The following AGAP1 variants were observed in gnomAD, a reference collection of about 807,000 sequenced individuals.
AGAP1 encodes the protein arf-GAP with GTPase, ANK repeat and PH domain-containing protein 1.
A neutral mutation model predicts 105.3 loss-of-function variants in AGAP1; 29 were observed. The observed-to-expected ratio is 0.28, with a 90% CI of 0.21 to 0.38. The LOEUF (loss-of-function observed/expected upper bound fraction) is 0.38. Ranked by LOEUF, AGAP1 falls within the 10% of genes least tolerant of loss-of-function variation. The pLI is 1.00. For missense variants in AGAP1, 998 were observed against 1,165.1 expected, an observed-to-expected ratio of 0.86 and a Z score of 2.09; for synonymous variants, 509 against 485.9, an observed-to-expected ratio of 1.05 and a Z score of -0.63.
intron 9 of AGAP1, among the ~76,000 whole-genome samples, chr2:235,881,739 T>C (rs1230221508): frequency 6.6e-6 from 1 of 152,252 alleles, no homozygotes; most frequent in Non-Finnish European, 1.5e-5. Flanking sequence ...CAAGGTTTGC[T>C]GGGAATTGGT....
In AGAP1 at chr2:236,055,968, A is replaced by G. The variant is rs1213434144; in HGVS notation, c.2114+6687A>G. ...GCTATAAATATTAAGCCAATTAGGA[A>G]AATGTACAAATGAGAAGTACGTTAA... On this transcript the variant is annotated intron_variant, in intron 16 of 17. Transcript: ENST00000304032. This position sits in a 1 kb window ranked among gnomAD's most constrained non-coding sequence, Gnocchi z 6.2. Among the ~76,000 whole-genome samples the G allele has an allele frequency of 6.6e-6, 1 of 152,188 alleles. No individual in the cohort carries two copies. Among genetic ancestry groups the G allele is most frequent in the African/African-American group, 2.4e-5 (1 of 41,452 alleles).
In AGAP1 at chr2:235,872,998, C is replaced by T. The variant is rs139545470; in HGVS notation, c.1051-10347C>T. Among the ~76,000 whole-genome samples, 824 of 152,280 alleles carry T rather than the reference C, an allele frequency of 5.4e-3. 4 individuals carry two copies. Among genetic ancestry groups the T allele is most frequent in the Non-Finnish European group, 8.7e-3 (591 of 68,022 alleles). The stretch of plus-strand genomic sequence containing the variant: ...TGCAGCTCTGGAATTAGGAACCAGC[C>T]GTGCCCCAGGAGGGCAGAGGACCCT... On this transcript the variant is annotated intron_variant, in intron 9 of 17. Transcript: ENST00000304032. This position sits in a 1 kb window ranked among gnomAD's most constrained non-coding sequence, Gnocchi z 4.5.
chr2:235,868,538 C>G (rs937618446), intron 9 of AGAP1, among the ~76,000 whole-genome samples: 6 of 152,142 alleles, frequency 3.9e-5, no homozygotes, highest in Admixed American at 1.3e-4. Context: ...TGAAATGTTC[C>G]CTCTGTGTAA....
intron 1 of AGAP1, among the ~76,000 whole-genome samples, chr2:235,589,237 T>G (rs930296945): frequency 3.8e-5 from 5 of 132,306 alleles, no homozygotes; most frequent in African/African-American, 1.4e-4. Context: ...CGGAGTTTCG[T>G]TCTTGTTGTC....
intron 1 of AGAP1, among the ~76,000 whole-genome samples, chr2:235,653,405 A>G (rs1390268722): frequency 3.3e-5 from 5 of 152,262 alleles, no homozygotes; most frequent in Admixed American, 6.5e-5. Context: ...CAGAGCTTGC[A>G]GTGAGCCGAG....
chr2:236,118,319 G>A (rs1048002172), intron 16 of AGAP1, among the ~76,000 whole-genome samples: 2 of 151,420 alleles, frequency 1.3e-5, no homozygotes, highest in South Asian at 4.2e-4. Context: ...GAATCAGTGC[G>A]TTATTAAAGT....
rs1293981192 is a variant in AGAP1, at chr2:236,036,759, G to T, written c.1800+44G>T. 16 of 1,609,702 alleles carry T rather than the reference G, an allele frequency of 9.9e-6. No individual in the cohort carries two copies. The highest frequency in any genetic ancestry group is 1.4e-5 in the Non-Finnish European group (16 of 1,178,426). On this transcript the variant is annotated intron_variant, in intron 14 of 17. Coordinates refer to ENST00000304032, the MANE Select transcript of AGAP1 (RefSeq NM_001037131.3). The surrounding 1 kb of genome is among the most constrained non-coding windows in gnomAD (Gnocchi z 5.7). ...CAAAACCAAGGCTGGGGCTGCTCAG[G>T]GGGAGTGCGGGCCCCAAGTAATGCC...
rs773861310 is a variant in AGAP1 at position 236,113,271 on chromosome 2, G to T, written c.2115-6921G>T. Among the ~76,000 whole-genome samples, 12 of 152,164 alleles carry T rather than the reference G, an allele frequency of 7.9e-5. No homozygotes were observed. The highest frequency in any genetic ancestry group is 1.6e-4 in the Non-Finnish European group (11 of 68,030). ...TTCTCTGCCTCAGCCCCCCCGAGTA[G>T]CTGGGATTACAGGCATCCGCCACCA... On this transcript the variant is annotated intron_variant, in intron 16 of 17. Coordinates refer to ENST00000304032, the MANE Select transcript of AGAP1 (RefSeq NM_001037131.3). This position sits in a 1 kb window ranked among gnomAD's most constrained non-coding sequence, Gnocchi z 4.3.
In AGAP1 at chr2:236,014,417, A is replaced by G. The variant is rs967910903; in HGVS notation, c.1646-22144A>G. The stretch of plus-strand genomic sequence containing the variant: ...ATGCTCCTAATATTTGGCCGAATCA[A>G]AGGGCTTGTGGCGACTGGCATCATA... On this transcript the variant is annotated intron_variant, in intron 13 of 17. Transcript: ENST00000304032. This position sits in a 1 kb window ranked among gnomAD's most constrained non-coding sequence, Gnocchi z 6.3. 6.6e-6 allele frequency among the ~76,000 whole-genome samples: 1 copy of G among 152,222 alleles called. No individual in the cohort carries two copies. The highest frequency in any genetic ancestry group is 6.5e-5 in the Admixed American group (1 of 15,286).
intron 6 of AGAP1, among the ~76,000 whole-genome samples, chr2:235,778,507 C>T (rs1355094776): frequency 6.6e-6 from 1 of 151,888 alleles, no homozygotes; most frequent in Non-Finnish European, 1.5e-5. Context: ...TGCCCCAGGC[C>T]CCTCACTCAC....
At position 236,053,020 on chromosome 2, in the gene AGAP1, C is replaced by T. The variant is rs2057950694; in HGVS notation, c.2114+3739C>T. ...AGGGAGCCGTCAGCTGTGTGTAGGA[C>T]AGGACTTCGTAACACCCGGCTTGTG... On this transcript the variant is annotated intron_variant, in intron 16 of 17. Coordinates refer to ENST00000304032, the MANE Select transcript of AGAP1 (RefSeq NM_001037131.3). The surrounding 1 kb of genome is among the most constrained non-coding windows in gnomAD (Gnocchi z 4.6). Among the ~76,000 whole-genome samples, 2 of 152,156 alleles carry T rather than the reference C, an allele frequency of 1.3e-5. No individual in the cohort carries two copies. Among genetic ancestry groups the T allele is most frequent in the African/African-American group, 4.8e-5 (2 of 41,434 alleles).
chr2:235,523,155 T>G (rs1180683182), intron 1 of AGAP1, among the ~76,000 whole-genome samples: 1 of 152,188 alleles, frequency 6.6e-6, no homozygotes. Context: ...AAGGCTGGTC[T>G]CTTCCTCTTC....
In AGAP1 at chr2:235,836,107, C is replaced by T. The variant is rs1314042740; in HGVS notation, c.1050+28776C>T. 2.0e-5 allele frequency among the ~76,000 whole-genome samples: 3 copies of T among 152,186 alleles called. No individual in the cohort carries two copies. In the East Asian group the frequency reaches 5.8e-4, roughly 29 times the overall value. ...TGTGTGTTTGTCAGTATAACTGGCT[C>T]ATGCATTTTGTAAGGAACATTAACA... On this transcript the variant is annotated intron_variant, in intron 9 of 17. Transcript: ENST00000304032.
Position 235,908,787 on chromosome 2 carries a change from C to G in AGAP1, c.1205C>G (p.Thr402Ser), listed in dbSNP as rs2051431937. 1 of 1,613,698 alleles carries G rather than the reference C, an allele frequency of 6.2e-7. No homozygotes were observed. Among genetic ancestry groups the G allele is most frequent in the Non-Finnish European group, 8.5e-7 (1 of 1,179,952 alleles). ...HGKEIDLLRT[T>S]VKVPGKRPPR... is the part of the protein sequence containing the mutation. Reference sequence around the variant, plus strand: ...AAGGAGATTGACCTTCTGAGAACCACTGTGAAAGTCCCAGGGAAGAGGCCA... The same window carrying G: ...AAGGAGATTGACCTTCTGAGAACCAGTGTGAAAGTCCCAGGGAAGAGGCCA... The change falls in exon 11 of 18, where the codon ACT (threonine) becomes AGT (serine). Residue 402 changes from threonine to serine, a missense_variant. Physicochemically the swap from Thr to Ser is moderately conservative, Grantham distance 58 (BLOSUM62 1). Coordinates refer to ENST00000304032, the MANE Select transcript of AGAP1 (RefSeq NM_001037131.3). The surrounding 1 kb of genome is among the most constrained non-coding windows in gnomAD (Gnocchi z 4.4).
At chr2:235,990,126 A>G (rs564428770) in intron 13 of AGAP1, among the ~76,000 whole-genome samples, 1 of 152,310 alleles carries the variant, frequency 6.6e-6, no homozygotes, top group South Asian at 2.1e-4. Context: ...AACCTTTTTT[A>G]ATGTTTTTCC....
In AGAP1 at chr2:235,752,527, G is replaced by A. The variant is rs895183532; in HGVS notation, c.673+2039G>A. The stretch of plus-strand genomic sequence containing the variant: ...GAGCCACGCTTTGTGTCGATGGGCT[G>A]CAGCGGGTTTGGGCCCCTCTCCAGC... On this transcript the variant is annotated intron_variant, in intron 6 of 17. Coordinates refer to ENST00000304032, the MANE Select transcript of AGAP1 (RefSeq NM_001037131.3). The surrounding 1 kb of genome is among the most constrained non-coding windows in gnomAD (Gnocchi z 4.3). Among the ~76,000 whole-genome samples the A allele has an allele frequency of 6.6e-6, 1 of 152,166 alleles. No individual in the cohort carries two copies. The highest frequency in any genetic ancestry group is 1.5e-5 in the Non-Finnish European group (1 of 68,020).
chr2:236,057,980 G>C (rs1238807361), intron 16 of AGAP1, among the ~76,000 whole-genome samples: 1 of 152,156 alleles, frequency 6.6e-6, no homozygotes, highest in Non-Finnish European at 1.5e-5. Context: ...TGCTGATATA[G>C]AAGATGTGGC....
rs2051228756 is a variant in AGAP1 at position 235,904,892 on chromosome 2, G to C, written c.1156-3846G>C. 6.6e-6 allele frequency among the ~76,000 whole-genome samples: 1 copy of C among 152,148 alleles called. No individual in the cohort carries two copies. Among genetic ancestry groups the C allele is most frequent in the Non-Finnish European group, 1.5e-5 (1 of 68,024 alleles). The stretch of plus-strand genomic sequence containing the variant: ...GAGTCGGAGGGCTTTTATTGAGTAG[G>C]AAATGCATTTTGTAAAATTTTTAAA... On this transcript the variant is annotated intron_variant, in intron 10 of 17. Coordinates refer to ENST00000304032, the MANE Select transcript of AGAP1 (RefSeq NM_001037131.3). The surrounding 1 kb of genome is among the most constrained non-coding windows in gnomAD (Gnocchi z 4.2).
rs558865400 is a variant in AGAP1 at position 235,689,578 on chromosome 2, T to TAA, written c.164-19601_164-19600insAA. On this transcript the variant is annotated intron_variant, in intron 1 of 17. Coordinates refer to ENST00000304032, the MANE Select transcript of AGAP1 (RefSeq NM_001037131.3). This position sits in a 1 kb window ranked among gnomAD's most constrained non-coding sequence, Gnocchi z 4.2. ...TAAGTCTGTTTCTCAACTCCCCTCT[T>TAA]GTTTTCATTGTTTCAGGCAAATAAT... is the stretch of plus-strand genomic sequence containing the variant. Among the ~76,000 whole-genome samples the TAA allele has an allele frequency of 2.6e-3, 389 of 152,352 alleles. 5 individuals carry two copies. Among genetic ancestry groups the TAA allele is most frequent in the African/African-American group, 8.7e-3 (363 of 41,594 alleles).
Sources: allele counts gnomAD v4.1 joint callset (sites outside exome capture counted in the v4.1 genomes callset), GRCh38; gene constraint gnomAD v4.1.1; non-coding constraint Gnocchi (gnomAD v3.1); transcripts MANE v1.5; gene names NCBI Gene and HGNC (gene_info 2026-07-23, HGNC 2026-07-21).